The following MARCKS variants were observed in gnomAD, a reference collection of about 807,000 sequenced individuals.
MARCKS encodes the protein myristoylated alanine rich protein kinase C substrate.
A neutral mutation model predicts 6.3 loss-of-function variants in MARCKS; 4 were observed. The observed-to-expected ratio is 0.63, with a 90% confidence interval of 0.31 to 1.45. The LOEUF is 1.45. Ranked by LOEUF, MARCKS falls within the 40% of genes most tolerant of loss-of-function variation. MARCKS has a pLI of 0.07. For synonymous variants in MARCKS, 289 were observed against 236.5 expected (o/e 1.22, Z -2.04); for missense variants, 636 against 485.7 (o/e 1.31, Z -2.91).
rs1227208107 is a variant in MARCKS at position 113,859,785 on chromosome 6, A to G, written c.205A>G (p.Lys69Glu). The change falls in exon 2 of 2, where the codon AAG becomes GAG. Residue 69 changes from lysine (K) to glutamate (E), a missense_variant. Coordinates refer to ENST00000612661, the MANE Select transcript of MARCKS (RefSeq NM_002356.7). ...CAACGGCAGCGCCCCGGCCGCCGACAAGGAGGAGCCCGCGGCCGCCGGGAG... is the reference window on the plus strand; with the variant it reads ...CAACGGCAGCGCCCCGGCCGCCGACGAGGAGGAGCCCGCGGCCGCCGGGAG... ...QANGSAPAADKEEPAAAGSGA... is the reference protein window; with the variant it reads ...QANGSAPAADEEEPAAAGSGA... 2.8e-6 allele frequency: 4 copies of G among 1,428,986 alleles called. No individual in the cohort carries two copies. Among genetic ancestry groups the G allele is most frequent in the African/African-American group, 3.0e-5 (2 of 66,004 alleles). 88.5% of individuals were successfully genotyped at this position (1,428,986 alleles called of 1,614,324 possible). A position where few individuals can be genotyped will look rare whatever the true frequency, so the allele number is the denominator to read the frequency against.
Position 113,861,095 on chromosome 6 carries a change from A to G in MARCKS, c.*516A>G, listed in dbSNP as rs1249919782. ...CTGTCTTTTTTTTTTTTTTAAAAGA[A>G]AAGTTATTACCATGTATTTTGTGAG... On this transcript the variant is annotated 3_prime_UTR_variant, in exon 2 of 2. Coordinates refer to ENST00000612661, the MANE Select transcript of MARCKS (RefSeq NM_002356.7). 2.0e-5 allele frequency: 3 copies of G among 151,088 alleles called. No individual in the cohort carries two copies. Among genetic ancestry groups the G allele is most frequent in the Admixed American group, 1.3e-4 (2 of 15,164 alleles). 9.4% of individuals were successfully genotyped at this position (151,088 alleles called of 1,614,324 possible).
Sources: allele counts gnomAD v4.1 joint callset, GRCh38; gene constraint gnomAD v4.1.1; transcripts MANE v1.5; gene names NCBI Gene and HGNC (gene_info 2026-07-23, HGNC 2026-07-21).